GALNT13: variants seen among roughly 807,000 people sequenced by gnomAD.
GALNT13 encodes UDP-GalNAc:polypeptide N-acetylgalactosaminyltransferase 13.
A neutral mutation model predicts 64.2 loss-of-function variants in GALNT13; 28 were observed. The observed-to-expected ratio is 0.44, with a 90% CI of 0.32 to 0.60. The LOEUF is 0.60. GALNT13 is among the 20% of genes least tolerant of loss of function. The pLI is 0.05. For missense variants in GALNT13, 577 were observed against 669.8 expected, an observed-to-expected ratio of 0.86 and a Z score of 1.53; for synonymous variants, 214 against 224.6, an observed-to-expected ratio of 0.95 and a Z score of 0.42.
the GALNT13 span, among the ~76,000 whole-genome samples, chr2:153,267,319 C>G: frequency 6.6e-6 from 1 of 152,198 alleles, no homozygotes; most frequent in Non-Finnish European, 1.5e-5. Flanking sequence ...CCCACATTTT[C>G]TCTCTGCATT....
the GALNT13 span, among the ~76,000 whole-genome samples, chr2:153,392,683 A>G: frequency 6.6e-6 from 1 of 152,046 alleles, no homozygotes; most frequent in Non-Finnish European, 1.5e-5. Context: ...GAAAAGAATT[A>G]CATACTCTTC....
intron 7 of GALNT13, among the ~76,000 whole-genome samples, chr2:154,249,479 A>G (rs1198542527): frequency 6.6e-6 from 1 of 152,134 alleles, no homozygotes; most frequent in African/African-American, 2.4e-5. Flanking sequence ...TTAGTCTCTT[A>G]ATTATGCCCT....
intron 8 of GALNT13, among the ~76,000 whole-genome samples, chr2:154,285,206 G>T (rs1458294407): frequency 6.6e-6 from 1 of 152,100 alleles, no homozygotes. Flanking sequence ...TGTTATGCAA[G>T]AGCTTTTTAG....
intron 9 of GALNT13, among the ~76,000 whole-genome samples, chr2:154,314,114 AT>A (rs1484888308): frequency 1.3e-5 from 2 of 152,162 alleles, no homozygotes; most frequent in Non-Finnish European, 2.9e-5. Flanking sequence ...CTACGTCTGA[AT>A]TAAATATTAT....
At chr2:154,062,455 C>G (rs1373763078) in intron 3 of GALNT13, among the ~76,000 whole-genome samples, 1 of 152,164 alleles carries the variant, frequency 6.6e-6, no homozygotes, top group East Asian at 1.9e-4. Flanking sequence ...CTACCTGAGA[C>G]TGGATAATTG....
the GALNT13 span, among the ~76,000 whole-genome samples, chr2:153,444,073 T>C: frequency 6.6e-6 from 1 of 152,214 alleles, no homozygotes; most frequent in African/African-American, 2.4e-5. Context: ...TTTACCTACC[T>C]ATATGTTTGT....
intron 2 of GALNT13, among the ~76,000 whole-genome samples, chr2:153,908,216 G>T (rs545696002): frequency 6.6e-6 from 1 of 152,088 alleles, no homozygotes; most frequent in African/African-American, 2.4e-5. Flanking sequence ...GTTGGTTCAT[G>T]TCCTCCGCCC....
At chr2:153,133,844 TG>T in the GALNT13 span, among the ~76,000 whole-genome samples, 1 of 152,184 alleles carries the variant, frequency 6.6e-6, no homozygotes. Flanking sequence ...GCCTTGTAAC[TG>T]GAAGATAAGA....
At chr2:154,267,456 A>T (rs937160712) in intron 8 of GALNT13, among the ~76,000 whole-genome samples, 2 of 152,138 alleles carry the variant, frequency 1.3e-5, no homozygotes, top group Admixed American at 1.3e-4. Context: ...CCTGGCCAAC[A>T]TGGTGCAACC....
At chr2:153,972,292 A>G (rs534494053) in intron 3 of GALNT13, among the ~76,000 whole-genome samples, 2 of 152,230 alleles carry the variant, frequency 1.3e-5, no homozygotes, top group South Asian at 4.1e-4. Flanking sequence ...TCATAGAAAT[A>G]CAGGAAGAGT....
the GALNT13 span, among the ~76,000 whole-genome samples, chr2:153,738,392 G>A: frequency 1.3e-5 from 2 of 151,932 alleles, no homozygotes; most frequent in Non-Finnish European, 2.9e-5. Context: ...TACTTTTAAA[G>A]CCTTACATAT....
At chr2:153,585,141 C>T in the GALNT13 span, among the ~76,000 whole-genome samples, 1 of 151,992 alleles carries the variant, frequency 6.6e-6, no homozygotes, top group Non-Finnish European at 1.5e-5. Flanking sequence ...TGAGGAGATG[C>T]AAGAGAAATC....
intron 9 of GALNT13, among the ~76,000 whole-genome samples, chr2:154,325,031 C>A (rs1694809140): frequency 6.6e-6 from 1 of 152,050 alleles, no homozygotes; most frequent in African/African-American, 2.4e-5. Flanking sequence ...CTGAGCTCTG[C>A]ATGCAGTGGC....
At chr2:153,489,984 C>CAT in the GALNT13 span, among the ~76,000 whole-genome samples, 1 of 131,294 alleles carries the variant, frequency 7.6e-6, no homozygotes, top group East Asian at 2.0e-4. Flanking sequence ...CTGTTTTACA[C>CAT]ACACACACAC....
chr2:154,290,528 A>G (rs1692545983), intron 8 of GALNT13, among the ~76,000 whole-genome samples: 1 of 152,170 alleles, frequency 6.6e-6, no homozygotes, highest in Admixed American at 6.5e-5. Flanking sequence ...CTTATTCTTT[A>G]TTGGCTATGT....
At chr2:153,485,516 C>T in the GALNT13 span, among the ~76,000 whole-genome samples, 2 of 152,200 alleles carry the variant, frequency 1.3e-5, no homozygotes, top group Admixed American at 1.3e-4. Context: ...GCCACCCAAA[C>T]AGTCCATCAA....
At chr2:154,169,066 T>G (rs545474452) in intron 4 of GALNT13, among the ~76,000 whole-genome samples, 2 of 151,814 alleles carry the variant, frequency 1.3e-5, no homozygotes, top group Non-Finnish European at 2.9e-5. Context: ...ATAGGCTCCT[T>G]TTAACAACCT....
At chr2:153,597,426 C>G in the GALNT13 span, among the ~76,000 whole-genome samples, 2 of 151,824 alleles carry the variant, frequency 1.3e-5, no homozygotes, top group African/African-American at 4.8e-5. Flanking sequence ...CAACTGGATA[C>G]CCACATGCAA....
At chr2:154,407,476 G>A (rs1370706604) in intron 10 of GALNT13, among the ~76,000 whole-genome samples, 1 of 152,062 alleles carries the variant, frequency 6.6e-6, no homozygotes, top group Non-Finnish European at 1.5e-5. Flanking sequence ...TTTATCAGTT[G>A]TTACCTTCCT....
Sources: allele counts gnomAD v4.1 joint callset (sites outside exome capture counted in the v4.1 genomes callset), GRCh38; gene constraint gnomAD v4.1.1; transcripts MANE v1.5; gene names NCBI Gene and HGNC (gene_info 2026-07-23, HGNC 2026-07-21).